Variants in ZNF282 observed in about 807,000 individuals in gnomAD.
ZNF282 encodes the protein zinc finger protein 282.
A neutral mutation model predicts 61.9 loss-of-function variants in ZNF282; 30 were observed. The ratio of observed to expected loss-of-function variants is 0.48; its 90% confidence interval spans 0.36 to 0.66. ZNF282 has a LOEUF of 0.66. Among genes scored for constraint, ZNF282 ranks in the 30% least tolerant of loss-of-function variants. The pLI, the probability that ZNF282 is intolerant of heterozygous loss-of-function variation, is 0.00. For synonymous variants in ZNF282, 396 were observed against 405.0 expected (o/e 0.98, Z 0.27); for missense variants, 788 against 941.4 (o/e 0.84, Z 2.13).
rs565955967 is a variant in ZNF282 at position 149,203,372 on chromosome 7, C to T, written c.586-3324C>T. ...TTACTGGTTTTTTGTTTTTTTGGGA[C>T]GGTCTCACATTGTCATCCAGGCTGG... On this transcript the variant is annotated intron_variant, in intron 2 of 7. Coordinates refer to ENST00000610704, the MANE Select transcript of ZNF282 (RefSeq NM_003575.4). Among the ~76,000 whole-genome samples the T allele has an allele frequency of 8.5e-4, 129 of 152,168 alleles. No individual in the cohort carries two copies. The Middle Eastern group carries it at 0.014, about 16-fold the overall frequency.
chr7:149,223,727 A>G (rs1329374468), intron 7 of ZNF282, 85 bp from the exon 8 acceptor site: 3 of 1,337,944 alleles, frequency 2.2e-6, no homozygotes, highest in East Asian at 5.8e-5. Context: ...CTCAGATAGC[A>G]TGCTCCCTGG....
At chr7:149,212,603 C>T (rs1167618592) in intron 6 of ZNF282, 132 bp downstream of exon 6, 21 of 691,654 alleles carry the variant, frequency 3.0e-5, no homozygotes, top group East Asian at 1.8e-4. Context: ...TTCTTTGAGA[C>T]GGAGTCTTGC....
chr7:149,211,089 G>A (rs1447230172), intron 5 of ZNF282, among the ~76,000 whole-genome samples: 1 of 152,184 alleles, frequency 6.6e-6, no homozygotes, highest in Non-Finnish European at 1.5e-5. Context: ...GCCTTTCATT[G>A]TTTTAAACAA....
intron 5 of ZNF282, 196 bp from the exon 6 acceptor site, chr7:149,212,162 T>A: frequency 2.0e-6 from 1 of 488,684 alleles, no homozygotes; most frequent in South Asian, 3.0e-5. Flanking sequence ...CCCTGCAGCA[T>A]CCTCTTATTT....
In ZNF282 at chr7:149,198,455, C is replaced by T; in HGVS notation, c.288C>T (p.Ile96=). ...MREPQLPTAE[I]SLWTVVAAIQ... ...AGCCCCAGTTGCCCACAGCAGAGAT[C>T]TCACTCTGGACTGTGGTGGCTGCCA... Residue 96 remains isoleucine, a synonymous_variant, in exon 2 of 8, where the codon ATC becomes ATT. Coordinates refer to ENST00000610704, the MANE Select transcript of ZNF282 (RefSeq NM_003575.4). This position sits in a 1 kb window ranked among gnomAD's most constrained non-coding sequence, Gnocchi z 4.3. 6.2e-7 allele frequency: 1 copy of T among 1,614,208 alleles called. No individual in the cohort carries two copies. The highest frequency in any genetic ancestry group is 8.5e-7 in the Non-Finnish European group (1 of 1,180,034).
Position 149,224,356 on chromosome 7 carries a change from G to T in ZNF282, c.1725G>T (p.Lys575Asn), listed in dbSNP as rs913488979. 1 of 1,613,872 alleles carries T rather than the reference G, an allele frequency of 6.2e-7. No individual in the cohort carries two copies. The highest frequency in any genetic ancestry group is 1.1e-5 in the South Asian group (1 of 91,074). Reference sequence around the variant, plus strand: ...CGCACCGCGGCGAGCGGCCCTACAAGTGCTCGGAGTGCGAGAAGACCTACA... The same window carrying T: ...CGCACCGCGGCGAGCGGCCCTACAATTGCTCGGAGTGCGAGAAGACCTACA... ...QMTHRGERPYKCSECEKTYSR... is the reference protein window; with the variant it reads ...QMTHRGERPYNCSECEKTYSR... Residue 575 changes from lysine (K) to asparagine (N), a missense_variant, in exon 8 of 8, where the codon AAG becomes AAT. Lys to Asn is a moderately conservative substitution (Grantham distance 94). Around this residue, in one of 3 missense-constraint regions of ZNF282, gnomAD observed 559 missense variants for 642.0 expected, o/e 0.87. Coordinates refer to ENST00000610704, the MANE Select transcript of ZNF282 (RefSeq NM_003575.4).
intron 1 of ZNF282, among the ~76,000 whole-genome samples, chr7:149,195,987 G>A (rs1795809927): frequency 6.6e-6 from 1 of 150,768 alleles, no homozygotes; most frequent in African/African-American, 2.4e-5. Context: ...CGGAGCAGCG[G>A]TCGCCGGGCC....
chr7:149,225,008 C>T lies in ZNF282; in HGVS notation c.*361C>T. On this transcript the variant is annotated 3_prime_UTR_variant, in exon 8 of 8. Coordinates refer to ENST00000610704, the MANE Select transcript of ZNF282 (RefSeq NM_003575.4). ...CTTCTGAGATCAGGAAATCAGGTCC[C>T]AAGGTTAGGAGACGCCCTGAAAAAA... is the stretch of plus-strand genomic sequence containing the variant. 3.4e-6 allele frequency: 1 copy of T among 290,368 alleles called. No homozygotes were observed. The highest frequency in any genetic ancestry group is 6.5e-6 in the Non-Finnish European group (1 of 154,676). 18.0% of individuals were successfully genotyped at this position (290,368 alleles called of 1,614,324 possible). A position where few individuals can be genotyped will look rare whatever the true frequency, so the allele number is the denominator to read the frequency against.
intron 2 of ZNF282, among the ~76,000 whole-genome samples, chr7:149,201,741 G>T (rs1481283348): frequency 6.6e-6 from 1 of 151,814 alleles, no homozygotes; most frequent in African/African-American, 2.4e-5. Flanking sequence ...GACAGAGTGA[G>T]AATCTGTCTT....
intron 2 of ZNF282, among the ~76,000 whole-genome samples, chr7:149,202,149 T>G (rs1485695619): frequency 6.8e-6 from 1 of 146,662 alleles, no homozygotes; most frequent in Non-Finnish European, 1.5e-5. Flanking sequence ...AAGATATGCT[T>G]CTTTTTTTTT....
At chr7:149,220,572 C>T (rs373169369) in intron 7 of ZNF282, among the ~76,000 whole-genome samples, 30 of 152,140 alleles carry the variant, frequency 2.0e-4, no homozygotes, top group East Asian at 7.7e-4. Flanking sequence ...GGCTTCATCC[C>T]CAGGCTGGTA....
At chr7:149,213,640 T>C in intron 6 of ZNF282, 61 bp from the exon 7 acceptor site, 1 of 1,333,516 alleles carries the variant, frequency 7.5e-7, no homozygotes, top group Non-Finnish European at 1.1e-6. Flanking sequence ...TTTCAAACCT[T>C]TGATGGGAGG....
Position 149,198,297 on chromosome 7 carries a change from T to G in ZNF282, c.166-36T>G. The G allele has an allele frequency of 6.4e-7, 1 of 1,561,218 alleles. No homozygotes were observed. Among genetic ancestry groups the G allele is most frequent in the Non-Finnish European group, 8.7e-7 (1 of 1,151,680 alleles). ...TGACTTCCCCGGCTCACACAAGGTCTCATCCTGGGTTGTCGCTTTCTCCCT... is the reference window on the plus strand; with the variant it reads ...TGACTTCCCCGGCTCACACAAGGTCGCATCCTGGGTTGTCGCTTTCTCCCT... On this transcript the variant is annotated intron_variant, in intron 1 of 7. Transcript: ENST00000610704. This position sits in a 1 kb window ranked among gnomAD's most constrained non-coding sequence, Gnocchi z 4.3.
intron 7 of ZNF282, among the ~76,000 whole-genome samples, chr7:149,220,290 T>A (rs1283103444): frequency 1.3e-5 from 2 of 151,850 alleles, no homozygotes; most frequent in Non-Finnish European, 2.9e-5. Flanking sequence ...TGGGCGCCTG[T>A]AGTCCCAGCT....
At chr7:149,201,469 A>G (rs1397128038) in intron 2 of ZNF282, among the ~76,000 whole-genome samples, 1 of 152,060 alleles carries the variant, frequency 6.6e-6, no homozygotes, top group Non-Finnish European at 1.5e-5. Context: ...AACCTCCCAA[A>G]TGGCTGGGCA....
intron 3 of ZNF282, 147 bp downstream of exon 3, chr7:149,206,969 A>G: frequency 8.5e-7 from 1 of 1,171,852 alleles, no homozygotes; most frequent in South Asian, 1.5e-5. Flanking sequence ...TAATGCTAGT[A>G]GGATAGAACA....
At chr7:149,210,209 C>G (rs1388420001) in intron 4 of ZNF282, among the ~76,000 whole-genome samples, 1 of 152,198 alleles carries the variant, frequency 6.6e-6, no homozygotes, top group Non-Finnish European at 1.5e-5. Context: ...ATGACTCCCA[C>G]AGAGAGGTCC....
At chr7:149,196,644 G>C (rs1795821930) in intron 1 of ZNF282, among the ~76,000 whole-genome samples, 1 of 152,162 alleles carries the variant, frequency 6.6e-6, no homozygotes, top group Admixed American at 6.5e-5. Context: ...TGTTGTGTTT[G>C]ATCATTTTCA....
intron 2 of ZNF282, among the ~76,000 whole-genome samples, chr7:149,205,675 T>G (rs1030283858): frequency 2.0e-5 from 3 of 152,140 alleles, no homozygotes; most frequent in African/African-American, 7.2e-5. Flanking sequence ...GGGCTGACAT[T>G]TCTAACTTAC....
Sources: gnomAD v4.1 joint callset for allele counts (sites outside exome capture counted in the v4.1 genomes callset) on GRCh38, gnomAD v4.1.1 for gene constraint, gnomAD v4.1.1 regional missense constraint, Gnocchi (gnomAD v3.1) non-coding constraint, MANE v1.5 for transcripts, NCBI Gene and HGNC (gene_info 2026-07-23, HGNC 2026-07-21) for gene names.